Variants in NDUFAF6 observed in about 807,000 individuals in gnomAD.
NDUFAF6 encodes NADH dehydrogenase (ubiquinone) complex I, assembly factor 6.
Under a neutral mutation model 40.8 loss-of-function variants are expected in NDUFAF6, and 45 were observed. That is an observed-to-expected ratio of 1.10 (90% confidence interval 0.87 to 1.42). The LOEUF is 1.42. Among genes scored for constraint, NDUFAF6 ranks in the 40% most tolerant of loss-of-function variants. The pLI is 0.00. For missense variants in NDUFAF6, 435 were observed against 418.5 expected (o/e 1.04, Z -0.34); for synonymous variants, 185 against 155.9 (o/e 1.19, Z -1.39).
At chr8:95,036,432 A>G (rs1305514777) in intron 3 of NDUFAF6, 16 of 1,289,430 alleles carry the variant, frequency 1.2e-5, no homozygotes, top group Non-Finnish European at 1.6e-5. Context: ...ACAGAGCCCC[A>G]GTAAAGATGG....
intron 1 of NDUFAF6, among the ~76,000 whole-genome samples, chr8:94,958,522 C>CCTTTTTTTTT (rs1823277401): frequency 1.4e-5 from 1 of 71,244 alleles, no homozygotes; most frequent in African/African-American, 5.9e-5. Context: ...TAGTCACATT[C>CCTTTTTTTTT]TTTTTTTTTT....
At chr8:95,011,951 T>A (rs1213559900) in intron 2 of NDUFAF6, among the ~76,000 whole-genome samples, 1 of 152,212 alleles carries the variant, frequency 6.6e-6, no homozygotes, top group Non-Finnish European at 1.5e-5. Flanking sequence ...TGGATATGCA[T>A]CATTATGAAG....
intron 1 of NDUFAF6, chr8:94,939,832 TAC>T: frequency 6.3e-7 from 1 of 1,594,550 alleles, no homozygotes; most frequent in Non-Finnish European, 8.6e-7. Context: ...GTGGACTGCC[TAC>T]AGAGAGTTAA....
At chr8:94,996,052 C>T (rs536303081) in intron 2 of NDUFAF6, among the ~76,000 whole-genome samples, 9 of 152,250 alleles carry the variant, frequency 5.9e-5, no homozygotes, top group Middle Eastern at 3.4e-3. Context: ...TGCTCACAGG[C>T]GTGAGCCACT....
chr8:95,052,664 C>A (rs932154993), intron 8 of NDUFAF6, among the ~76,000 whole-genome samples: 1 of 152,024 alleles, frequency 6.6e-6, no homozygotes, highest in African/African-American at 2.4e-5. Context: ...AGCACCAGTT[C>A]CAGAACAGTG....
downstream of NDUFAF6, among the ~76,000 whole-genome samples, chr8:95,080,445 T>C (rs1323660478): frequency 2.0e-5 from 3 of 148,360 alleles, no homozygotes; most frequent in Admixed American, 6.8e-5. Flanking sequence ...TGTATTTTTG[T>C]AGTGATTTTT....
upstream of NDUFAF6, chr8:95,023,344 A>T (rs1405849539): frequency 6.6e-6 from 1 of 152,218 alleles, no homozygotes; most frequent in African/African-American, 2.4e-5. Context: ...TAAAAACCAA[A>T]GTTGCATGAA....
At chr8:94,949,466 G>C (rs970328147) in intron 2 of NDUFAF6, 1 of 151,846 alleles carries the variant, frequency 6.6e-6, no homozygotes, top group African/African-American at 2.4e-5. Flanking sequence ...GCGGTGCGGG[G>C]GCCCCGGGGC....
intron 2 of NDUFAF6, among the ~76,000 whole-genome samples, chr8:95,001,820 C>T (rs991747077): frequency 6.6e-6 from 1 of 152,190 alleles, no homozygotes; most frequent in African/African-American, 2.4e-5. Context: ...CAGATATTCC[C>T]AGAGCATCTG....
chr8:95,071,172 C>T (rs893488132), intron 9 of NDUFAF6, among the ~76,000 whole-genome samples: 23 of 151,632 alleles, frequency 1.5e-4, no homozygotes, highest in African/African-American at 4.1e-4. Context: ...GGGCGGATCA[C>T]GAGGTCAGGA....
At chr8:95,000,954 C>CTTTTTTTT (rs1158530408) in intron 2 of NDUFAF6, among the ~76,000 whole-genome samples, 1 of 134,014 alleles carries the variant, frequency 7.5e-6, no homozygotes, top group Non-Finnish European at 1.6e-5. Flanking sequence ...CTTCCCCTTA[C>CTTTTTTTT]TTTTTTTTTT....
intron 1 of NDUFAF6, among the ~76,000 whole-genome samples, chr8:94,965,233 C>T (rs988767570): frequency 1.4e-5 from 2 of 138,982 alleles, no homozygotes; most frequent in East Asian, 2.2e-4. Flanking sequence ...ATATACATAT[C>T]GAAGGTGATG....
intron 2 of NDUFAF6, chr8:94,988,633 C>G (rs901891324): frequency 1.3e-5 from 2 of 152,060 alleles, no homozygotes; most frequent in Non-Finnish European, 2.9e-5. Context: ...ATGTCTTAGG[C>G]AAATGTGTGG....
intron 1 of NDUFAF6, among the ~76,000 whole-genome samples, chr8:94,910,109 G>T (rs1184295466): frequency 1.3e-5 from 2 of 151,880 alleles, no homozygotes; most frequent in African/African-American, 4.8e-5. Context: ...TAACCAGCCA[G>T]GGTTCCCTAC....
rs539762274 is a variant in NDUFAF6 at position 95,116,187 on chromosome 8, A to G, written n.547-83A>G. On this transcript the variant is annotated intron_variant and non_coding_transcript_variant, in intron 5 of 5. Transcript: ENST00000523184. ...CCAAAAAAACGAACAAACAAAAGTG[A>G]CAGATGTCTACAAGCCAACACTTAA... 1.9e-5 allele frequency: 3 copies of G among 156,510 alleles called. No individual in the cohort carries two copies. In the South Asian group the frequency reaches 6.0e-4, roughly 31 times the overall value. The allele number at this position is 156,510 out of a possible 1,614,324, so 9.7% of individuals were successfully genotyped here.
rs201518779 is a variant in NDUFAF6, at chr8:95,041,557, C to T, written c.421-13C>T. Reference sequence around the variant, plus strand: ...GTACTTTCTAAAAACTTATAATGCTCTTTGTTTTTTAGGCTGTTAAAAGAC... The same window carrying T: ...GTACTTTCTAAAAACTTATAATGCTTTTTGTTTTTTAGGCTGTTAAAAGAC... On this transcript the variant is annotated splice_polypyrimidine_tract_variant and intron_variant, in intron 3 of 8. Transcript: ENST00000396124. The T allele has an allele frequency of 2.2e-6, 3 of 1,362,344 alleles. No homozygotes were observed. Among genetic ancestry groups the T allele is most frequent in the Non-Finnish European group, 3.0e-6 (3 of 1,016,026 alleles). The allele number at this position is 1,362,344 out of a possible 1,614,324, so 84.4% of individuals were successfully genotyped here. A position where few individuals can be genotyped will look rare whatever the true frequency, so the allele number is the denominator to read the frequency against.
chr8:94,950,793 C>G (rs1358016691), intron 2 of NDUFAF6: 1 of 152,128 alleles, frequency 6.6e-6, no homozygotes, highest in East Asian at 1.9e-4. Flanking sequence ...GAGGCCATCT[C>G]CACATTCAGA....
chr8:95,098,030 A>G (rs1809523682), upstream of NDUFAF6, among the ~76,000 whole-genome samples: 3 of 151,516 alleles, frequency 2.0e-5, no homozygotes, highest in Admixed American at 2.0e-4. Context: ...TATTTTCTAC[A>G]GCTCCTCATT....
chr8:95,018,078 G>A (rs1010478332), intron 2 of NDUFAF6, among the ~76,000 whole-genome samples: 36 of 151,930 alleles, frequency 2.4e-4, no homozygotes, highest in East Asian at 1.9e-4. Context: ...ACAGGGTGTC[G>A]TTCTTTCACC....
Sources: allele counts gnomAD v4.1 joint callset (sites outside exome capture counted in the v4.1 genomes callset), GRCh38; gene constraint gnomAD v4.1.1; transcripts MANE v1.5; gene names NCBI Gene and HGNC (gene_info 2026-07-23, HGNC 2026-07-21).